Variants in SH3RF2 observed in about 807,000 individuals in gnomAD.
The protein encoded by SH3RF2 is E3 ubiquitin-protein ligase SH3RF2.
Under a neutral mutation model 59.0 loss-of-function variants are expected in SH3RF2, and 43 were observed. That is an observed-to-expected ratio of 0.73 (90% CI 0.57 to 0.94). SH3RF2 has a LOEUF of 0.94. Among genes scored for constraint, SH3RF2 ranks in the 40% least tolerant of loss-of-function variants. The pLI, the probability that SH3RF2 is intolerant of heterozygous loss-of-function variation, is 0.00. For synonymous variants in SH3RF2, 391 were observed against 391.5 expected (o/e 1.00, Z 0.01); for missense variants, 930 against 940.1 (o/e 0.99, Z 0.14).
chr5:146,019,708 G>A (rs2962524), intron 5 of SH3RF2, among the ~76,000 whole-genome samples: 12,079 of 152,094 alleles, frequency 0.079, 652 homozygotes, highest in South Asian at 0.14. Context: ...GTCATTTCAC[G>A]ATATTGTTTC....
intron 9 of SH3RF2, among the ~76,000 whole-genome samples, chr5:146,060,474 AGGCCC>A (rs1311481546): frequency 6.6e-6 from 1 of 151,846 alleles, no homozygotes; most frequent in Non-Finnish European, 1.5e-5. Context: ...ACATCTTTTG[AGGCCC>A]AAAAGTGGCT....
chr5:146,037,173 C>T (rs1761964784), intron 5 of SH3RF2, among the ~76,000 whole-genome samples: 1 of 152,186 alleles, frequency 6.6e-6, no homozygotes, highest in South Asian at 2.1e-4. Context: ...AAGCACTTTG[C>T]TTGCATGTTC....
chr5:146,013,655 C>A (rs749508280), intron 4 of SH3RF2, 92 bp from the exon 5 acceptor site: 22 of 1,422,508 alleles, frequency 1.5e-5, no homozygotes, highest in Non-Finnish European at 2.1e-5. Context: ...GGAGGTGGCA[C>A]CTGACCTGGC....
chr5:146,067,942 G>T (rs1486362269), downstream of SH3RF2, among the ~76,000 whole-genome samples: 16 of 152,154 alleles, frequency 1.1e-4, no homozygotes, highest in Admixed American at 1.0e-3. Flanking sequence ...TATCTTAACT[G>T]TGACCCTGGA....
exon 10 of SH3RF2, chr5:146,080,416 A>G (rs1158955953): frequency 1.3e-5 from 2 of 152,174 alleles, no homozygotes; most frequent in African/African-American, 4.8e-5. Context: ...GAGAATCTCT[A>G]TGAGTTAATA....
At chr5:145,979,501 T>G (rs565412286) in intron 2 of SH3RF2, among the ~76,000 whole-genome samples, 37 of 152,356 alleles carry the variant, frequency 2.4e-4, no homozygotes, top group Admixed American at 2.4e-3. Context: ...ATCTTACTGC[T>G]CTAAGTAGTG....
chr5:145,971,452 G>A (rs1464374535), intron 2 of SH3RF2, among the ~76,000 whole-genome samples: 1 of 152,186 alleles, frequency 6.6e-6, no homozygotes, highest in Non-Finnish European at 1.5e-5. Flanking sequence ...GCTCTGTACG[G>A]TGTCAGGATT....
intron 5 of SH3RF2, among the ~76,000 whole-genome samples, chr5:146,044,139 G>T (rs887619262): frequency 8.1e-5 from 12 of 147,246 alleles, no homozygotes; most frequent in South Asian, 2.2e-4. Flanking sequence ...GTCCGTTTTT[G>T]TTTTTTTTTG....
intron 5 of SH3RF2, among the ~76,000 whole-genome samples, chr5:146,033,516 G>A: frequency 7.6e-6 from 1 of 132,204 alleles, no homozygotes; most frequent in Non-Finnish European, 1.5e-5. Context: ...TGTTGCCCAG[G>A]CTGGAGTGCA....
chr5:145,985,234 C>T (rs1341302183), intron 2 of SH3RF2, among the ~76,000 whole-genome samples: 2 of 152,172 alleles, frequency 1.3e-5, no homozygotes, highest in African/African-American at 2.4e-5. Context: ...TTGTGGTCTC[C>T]AACAAGGGTC....
At chr5:146,007,149 T>C (rs1261644038) in intron 4 of SH3RF2, among the ~76,000 whole-genome samples, 1 of 152,086 alleles carries the variant, frequency 6.6e-6, no homozygotes, top group Non-Finnish European at 1.5e-5. Context: ...ACAGAAGCCA[T>C]TGAAAGGTTT....
At chr5:146,066,039 C>G (rs1763096452), downstream of SH3RF2, among the ~76,000 whole-genome samples, 1 of 152,182 alleles carries the variant, frequency 6.6e-6, no homozygotes, top group East Asian at 1.9e-4. Context: ...TCCACCATAT[C>G]CCTATAAGGC....
At chr5:146,076,664 C>T (rs11953586) in intron 9 of SH3RF2, among the ~76,000 whole-genome samples, 34,361 of 152,122 alleles carry the variant, frequency 0.23, 4,902 homozygotes, top group Admixed American at 0.34. Flanking sequence ...GAATGGAGCA[C>T]ATTAGCTAAT....
At chr5:146,067,761 C>T (rs1350587999), downstream of SH3RF2, among the ~76,000 whole-genome samples, 1 of 146,446 alleles carries the variant, frequency 6.8e-6, no homozygotes, top group Non-Finnish European at 1.5e-5. Context: ...AGTGGATGCT[C>T]TGAGCTCCCC....
chr5:146,028,076 C>T (rs1761597327), intron 5 of SH3RF2, among the ~76,000 whole-genome samples: 1 of 151,896 alleles, frequency 6.6e-6, no homozygotes, highest in Non-Finnish European at 1.5e-5. Context: ...AGCGGCCTAG[C>T]CTGTACCTCA....
chr5:145,990,454 A>T (rs765682103), intron 2 of SH3RF2, among the ~76,000 whole-genome samples: 11 of 152,184 alleles, frequency 7.2e-5, no homozygotes, highest in Non-Finnish European at 1.3e-4. Context: ...GGGATATTCT[A>T]ACTGGCTAGC....
intron 2 of SH3RF2, among the ~76,000 whole-genome samples, chr5:145,993,173 A>C (rs141640435): frequency 6.6e-6 from 1 of 152,212 alleles, no homozygotes; most frequent in African/African-American, 2.4e-5. Context: ...CTTTGACTCT[A>C]TGTCTCACAT....
At chr5:145,971,909 T>C (rs1759099181) in intron 2 of SH3RF2, among the ~76,000 whole-genome samples, 1 of 150,582 alleles carries the variant, frequency 6.6e-6, no homozygotes, top group South Asian at 2.1e-4. Flanking sequence ...ATGATGATGA[T>C]GGCTAACAAT....
chr5:145,952,672 G>A (rs1758236835), intron 2 of SH3RF2, among the ~76,000 whole-genome samples: 1 of 152,200 alleles, frequency 6.6e-6, no homozygotes, highest in South Asian at 2.1e-4. Context: ...GAACAAAAAT[G>A]TTTATAATCT....
Sources: gnomAD v4.1 joint callset for allele counts (sites outside exome capture counted in the v4.1 genomes callset) on GRCh38, gnomAD v4.1.1 for gene constraint, MANE v1.5 for transcripts, NCBI Gene and HGNC (gene_info 2026-07-23, HGNC 2026-07-21) for gene names.